The following NRXN3 variants were observed in gnomAD, a reference collection of about 807,000 sequenced individuals.
The protein encoded by NRXN3 is neurexin 3.
Under a neutral mutation model 137.6 loss-of-function variants are expected in NRXN3, and 32 were observed. That is an observed-to-expected ratio of 0.23 (90% CI 0.18 to 0.31). The LOEUF (loss-of-function observed/expected upper bound fraction) is 0.31. Among genes scored for constraint, NRXN3 ranks in the 10% least tolerant of loss-of-function variants. The probability of loss-of-function intolerance (pLI) is 1.00; values close to 1 mark genes in which losing one functional copy is unlikely to be tolerated. For synonymous variants in NRXN3, 798 were observed against 784.5 expected (o/e 1.02, Z -0.29); for missense variants, 1,574 against 2,062.5 (o/e 0.76, Z 4.59).
chr14:78,263,177 T>C (rs935172120), intron 2 of NRXN3, among the ~76,000 whole-genome samples: 1 of 152,174 alleles, frequency 6.6e-6, no homozygotes, highest in African/African-American at 2.4e-5. Context: ...AGTAGAGAAA[T>C]ACAGTTAGCC....
chr14:78,244,763 A>G (rs2067440906), intron 2 of NRXN3, among the ~76,000 whole-genome samples: 2 of 152,188 alleles, frequency 1.3e-5, no homozygotes, highest in South Asian at 4.1e-4. Context: ...TGTACTGAGA[A>G]CATTGCAAAG....
Position 78,323,238 on chromosome 14 carries a change from C to T in NRXN3, c.757+25378C>T, listed in dbSNP as rs574023999. Among the ~76,000 whole-genome samples, 5 of 151,980 alleles carry T rather than the reference C, an allele frequency of 3.3e-5. No homozygotes were observed. The East Asian group carries it at 5.8e-4, about 18-fold the overall frequency. On this transcript the variant is annotated intron_variant, in intron 4 of 20. Coordinates refer to ENST00000335750, the MANE Select transcript of NRXN3 (RefSeq NM_001330195.2). ...TTCATTTTTGTGGGGGATGAGGTACCGTGGTATGGGCTACAGAAATTGAGA... is the reference window on the plus strand; with the variant it reads ...TTCATTTTTGTGGGGGATGAGGTACTGTGGTATGGGCTACAGAAATTGAGA...
chr14:78,795,211 G>C (rs1473942880), intron 8 of NRXN3, among the ~76,000 whole-genome samples: 3 of 152,212 alleles, frequency 2.0e-5, no homozygotes, highest in Non-Finnish European at 4.4e-5. Flanking sequence ...ACTGGGAAGG[G>C]TGGCTTTTAT....
intron 15 of NRXN3, among the ~76,000 whole-genome samples, chr14:79,428,475 C>T (rs7154797): frequency 0.28 from 42,466 of 151,788 alleles, 6,327 homozygotes; most frequent in Non-Finnish European, 0.33. Context: ...AGGATGAACT[C>T]GGTTTAAAGA....
Position 78,809,684 on chromosome 14 carries a change from T to G in NRXN3, c.2249-634T>G, listed in dbSNP as rs573538121. On this transcript the variant is annotated intron_variant, in intron 9 of 20. Transcript: ENST00000335750. The stretch of plus-strand genomic sequence containing the variant: ...CTAAGGAAGATGGCAAGTGTGCCTA[T>G]GCAAATTTCTATAGCATTTGGGGCC... Among the ~76,000 whole-genome samples, 10 of 152,302 alleles carry G rather than the reference T, an allele frequency of 6.6e-5. No individual in the cohort carries two copies. The East Asian group carries it at 1.9e-3, about 29-fold the overall frequency.
intron 4 of NRXN3, among the ~76,000 whole-genome samples, chr14:78,621,947 C>G (rs2097409171): frequency 6.6e-6 from 1 of 152,122 alleles, no homozygotes; most frequent in Non-Finnish European, 1.5e-5. Context: ...CTATTAGTAC[C>G]TTACTACCTA....
At chr14:78,281,828 A>C (rs1011295071) in intron 3 of NRXN3, among the ~76,000 whole-genome samples, 1 of 152,094 alleles carries the variant, frequency 6.6e-6, no homozygotes, top group Non-Finnish European at 1.5e-5. Context: ...AGGATCCCGG[A>C]TCTGTCTGCC....
chr14:78,345,678 T>C lies in NRXN3; in HGVS notation c.757+47818T>C, dbSNP rs539466347. On this transcript the variant is annotated intron_variant, in intron 4 of 20. Transcript: ENST00000335750. The stretch of plus-strand genomic sequence containing the variant: ...ATAGCAAACCAATTGGTTTCCCTTA[T>C]GGGTTATAAAGAGGAACCCGTTTTG... Among the ~76,000 whole-genome samples the C allele has an allele frequency of 2.3e-3, 353 of 152,246 alleles. 1 individual carries two copies. The highest frequency in any genetic ancestry group is 6.8e-3 in the Middle Eastern group (2 of 294).
chr14:79,371,126 C>T (rs1190831059), intron 15 of NRXN3, among the ~76,000 whole-genome samples: 2 of 152,114 alleles, frequency 1.3e-5, no homozygotes, highest in Non-Finnish European at 2.9e-5. Flanking sequence ...AAGAATATGG[C>T]AGATCAGGTG....
At chr14:79,491,242 T>G (rs991661540) in intron 16 of NRXN3, among the ~76,000 whole-genome samples, 5 of 152,138 alleles carry the variant, frequency 3.3e-5, no homozygotes, top group Non-Finnish European at 7.4e-5. Context: ...TGAATCCATT[T>G]TGCCTGGAGC....
rs756739139 is a variant in NRXN3 at position 79,675,611 on chromosome 14, CAG to C, written c.3616+11666_3616+11667del. 2.9e-3 allele frequency among the ~76,000 whole-genome samples: 436 copies of C among 152,146 alleles called. 2 individuals are homozygous for C. Among genetic ancestry groups the C allele is most frequent in the Middle Eastern group, 3.4e-3 (1 of 294 alleles). Reference sequence around the variant, plus strand: ...TGGATGGGTTAAATCCCTAGAGAGACAGAGAATAGTACTACCGTGTAGGGTGA... The same window carrying C: ...TGGATGGGTTAAATCCCTAGAGAGACAGAATAGTACTACCGTGTAGGGTGA... On this transcript the variant is annotated intron_variant, in intron 17 of 20. Transcript: ENST00000335750.
chr14:79,568,805 A>G (rs982608757), intron 16 of NRXN3, among the ~76,000 whole-genome samples: 1 of 152,186 alleles, frequency 6.6e-6, no homozygotes, highest in Non-Finnish European at 1.5e-5. Flanking sequence ...TCTATTGTGC[A>G]TAAGAATGCC....
intron 16 of NRXN3, among the ~76,000 whole-genome samples, chr14:79,600,573 A>G (rs1008304361): frequency 1.3e-5 from 2 of 152,208 alleles, no homozygotes; most frequent in Non-Finnish European, 2.9e-5. Context: ...GCATAAGGTG[A>G]TTCAGCAGGG....
chr14:78,530,887 C>T (rs2096452756), intron 4 of NRXN3, among the ~76,000 whole-genome samples: 1 of 152,182 alleles, frequency 6.6e-6, no homozygotes, highest in Non-Finnish European at 1.5e-5. Flanking sequence ...CCTGCCTTTC[C>T]TAAGAACTCA....
At chr14:79,442,937 A>G (rs983531636) in intron 15 of NRXN3, among the ~76,000 whole-genome samples, 44 of 152,294 alleles carry the variant, frequency 2.9e-4, no homozygotes, top group African/African-American at 9.9e-4. Flanking sequence ...GTTTATGGCA[A>G]TCCTCCCGAT....
intron 15 of NRXN3, among the ~76,000 whole-genome samples, chr14:79,293,763 A>T (rs1230524657): frequency 6.6e-6 from 1 of 152,142 alleles, no homozygotes; most frequent in African/African-American, 2.4e-5. Context: ...CAGGCATGTC[A>T]CCCCCTCACG....
At chr14:78,540,050 G>A (rs1310393066) in intron 4 of NRXN3, among the ~76,000 whole-genome samples, 1 of 152,202 alleles carries the variant, frequency 6.6e-6, no homozygotes, top group Non-Finnish European at 1.5e-5. Context: ...TTTGGAATAA[G>A]CGCGATGTGG....
At chr14:79,602,017 A>G (rs1171040142) in intron 16 of NRXN3, among the ~76,000 whole-genome samples, 1 of 152,174 alleles carries the variant, frequency 6.6e-6, no homozygotes, top group Non-Finnish European at 1.5e-5. Context: ...CTTTTATAAA[A>G]AGTCTGAATT....
intron 15 of NRXN3, among the ~76,000 whole-genome samples, chr14:79,286,941 T>C: frequency 6.6e-6 from 1 of 152,190 alleles, no homozygotes; most frequent in East Asian, 1.9e-4. Context: ...GTATGAGAGA[T>C]TAAACAAGTT....
Sources: gnomAD v4.1 joint callset for allele counts (sites outside exome capture counted in the v4.1 genomes callset) on GRCh38, gnomAD v4.1.1 for gene constraint, MANE v1.5 for transcripts, NCBI Gene and HGNC (gene_info 2026-07-23, HGNC 2026-07-21) for gene names.